KLRF2: variants seen among roughly 807,000 people sequenced by gnomAD.
KLRF2 encodes the protein killer cell lectin like receptor F2.
KLRF2 carries 28 observed loss-of-function variants against 25.3 expected under a neutral mutation model. The ratio of observed to expected loss-of-function variants is 1.11; its 90% CI spans 0.82 to 1.52. The LOEUF (loss-of-function observed/expected upper bound fraction) is 1.52, where lower values mean the gene tolerates loss of function less well. Ranked by LOEUF, KLRF2 falls within the 40% of genes most tolerant of loss-of-function variation. KLRF2 has a pLI of 0.00. For missense variants in KLRF2, 265 were observed against 245.8 expected, an observed-to-expected ratio of 1.08 and a Z score of -0.52; for synonymous variants, 73 against 85.0, an observed-to-expected ratio of 0.86 and a Z score of 0.78.
chr12:9,894,126 T>TCTCTCTCTCTCTC (rs1862724726), intron 5 of KLRF2, among the ~76,000 whole-genome samples: 1 of 130,200 alleles, frequency 7.7e-6, no homozygotes, highest in African/African-American at 3.0e-5. Context: ...TTTCTTTTCT[T>TCTCTCTCTCTCTC]TCTCTCTCTC....
chr12:9,883,737 A>G (rs182528782), intron 1 of KLRF2, among the ~76,000 whole-genome samples: 1 of 152,336 alleles, frequency 6.6e-6, no homozygotes, highest in African/African-American at 2.4e-5. Context: ...AATACAGACA[A>G]TTGAGTAGCA....
chr12:9,885,328 T>C (rs1321741913), intron 2 of KLRF2, among the ~76,000 whole-genome samples: 1 of 62,052 alleles, frequency 1.6e-5, no homozygotes, highest in East Asian at 5.1e-4. Context: ...GAGATCATTA[T>C]TTAAGTATAT....
At position 9,885,389 on chromosome 12, in the gene KLRF2, A is replaced by AT. The variant is rs1194096485; in HGVS notation, c.169+357_169+358insT. 8.6e-5 allele frequency among the ~76,000 whole-genome samples: 13 copies of AT among 151,768 alleles called. 1 individual carries two copies. The highest frequency in any genetic ancestry group is 1.3e-4 in the Admixed American group (2 of 15,240). On this transcript the variant is annotated intron_variant, in intron 2 of 5. Coordinates refer to ENST00000535540, the MANE Select transcript of KLRF2 (RefSeq NM_001190765.1). ...AAAACCATTTTAGGTAGACTTCCAG[A>AT]CTTTTTTCTTCCTGAAGTGGTACTT... is the stretch of plus-strand genomic sequence containing the variant.
chr12:9,893,251 T>TA, intron 4 of KLRF2, 83 bp downstream of exon 4: 2 of 1,315,528 alleles, frequency 1.5e-6, no homozygotes, highest in Non-Finnish European at 2.1e-6. Flanking sequence ...TTGGGAGGTT[T>TA]ATTGTCGTTG....
chr12:9,893,190 C>A, intron 4 of KLRF2, 22 bp downstream of exon 4: 1 of 1,521,202 alleles, frequency 6.6e-7, no homozygotes, highest in South Asian at 1.2e-5. Context: ...AAAACAGGAT[C>A]TAACTGCACA....
intron 3 of KLRF2, among the ~76,000 whole-genome samples, chr12:9,889,367 T>G (rs1862646448): frequency 6.6e-6 from 1 of 152,158 alleles, no homozygotes. Context: ...AAGATATTTT[T>G]TAGATGAAAT....
intron 2 of KLRF2, among the ~76,000 whole-genome samples, chr12:9,886,391 A>G (rs1464000137): frequency 6.6e-6 from 1 of 152,168 alleles, no homozygotes; most frequent in Non-Finnish European, 1.5e-5. Flanking sequence ...CATAGAATGG[A>G]AAGGGGAGAA....
rs1170159064 is a variant in KLRF2 at position 9,893,413 on chromosome 12, A to C, written c.367-16A>C. 8.6e-7 allele frequency: 1 copy of C among 1,157,022 alleles called. No homozygotes were observed. Among genetic ancestry groups the C allele is most frequent in the Non-Finnish European group, 1.2e-6 (1 of 813,340 alleles). 71.7% of individuals were successfully genotyped at this position (1,157,022 alleles called of 1,614,324 possible). ...TTTAAACAAATGAATGAATAAATGC[A>C]CTATTTCTTCTGCAGGAGTTCATAC... On this transcript the variant is annotated splice_polypyrimidine_tract_variant and intron_variant, in intron 4 of 5. Transcript: ENST00000535540.
In KLRF2 at chr12:9,893,148, A is replaced by T. The variant is rs1862701016; in HGVS notation, c.346A>T (p.Ile116Phe). Residue 116 changes from isoleucine to phenylalanine, a missense_variant, in exon 4 of 6, where the codon ATT (isoleucine) becomes TTT (phenylalanine). Physicochemically the swap from Ile to Phe is conservative, Grantham distance 21. Transcript: ENST00000535540. Reference sequence around the variant, plus strand: ...ACAGCTACAGGCACATTTACTGGTGATTCAAAATTTGGATGAGCTGGTGAG... The same window carrying T: ...ACAGCTACAGGCACATTTACTGGTGTTTCAAAATTTGGATGAGCTGGTGAG... Reference protein sequence around the residue: ...CTQLQAHLLVIQNLDELEFIQ... With the variant: ...CTQLQAHLLVFQNLDELEFIQ... 1 of 1,532,544 alleles carries T rather than the reference A, an allele frequency of 6.5e-7. No individual in the cohort carries two copies. The highest frequency in any genetic ancestry group is 8.7e-7 in the Non-Finnish European group (1 of 1,144,940). 94.9% of individuals were successfully genotyped at this position (1,532,544 alleles called of 1,614,324 possible). A position where few individuals can be genotyped will look rare whatever the true frequency, so the allele number is the denominator to read the frequency against.
At chr12:9,891,422 A>G (rs1243696509) in intron 3 of KLRF2, among the ~76,000 whole-genome samples, 1 of 152,166 alleles carries the variant, frequency 6.6e-6, no homozygotes, top group Non-Finnish European at 1.5e-5. Flanking sequence ...TTACAATGCT[A>G]CACTCATCAT....
In KLRF2 at chr12:9,888,734, TAAAA is replaced by T; in HGVS notation, c.175_178del (p.Lys59TrpfsTer7). ...ATCTTTTCTTTGCACTGAGTACAGA[TAAAA>T]AAATGGATTTCTCCCAGAATGTAAA... is the stretch of plus-strand genomic sequence containing the variant. On this transcript the variant is annotated frameshift_variant and splice_region_variant, in exon 3 of 6. Transcript: ENST00000535540. LOFTEE classifies it high-confidence loss of function. 6.7e-7 allele frequency: 1 copy of T among 1,487,254 alleles called. No individual in the cohort carries two copies. The highest frequency in any genetic ancestry group is 2.5e-5 in the East Asian group (1 of 40,672). The allele number at this position is 1,487,254 out of a possible 1,614,324, so 92.1% of individuals were successfully genotyped here. A position where few individuals can be genotyped will look rare whatever the true frequency, so the allele number is the denominator to read the frequency against.
chr12:9,882,580 C>T (rs1182420386), intron 1 of KLRF2, among the ~76,000 whole-genome samples: 1 of 152,068 alleles, frequency 6.6e-6, no homozygotes, highest in Non-Finnish European at 1.5e-5. Flanking sequence ...GAATTCGAGA[C>T]CAGCCTGGCC....
In KLRF2 at chr12:9,888,377, A is replaced by G. The variant is rs1862628027; in HGVS notation, c.170-356A>G. 2.0e-5 allele frequency among the ~76,000 whole-genome samples: 3 copies of G among 151,850 alleles called. No homozygotes were observed. The South Asian group carries it at 6.2e-4, about 32-fold the overall frequency. On this transcript the variant is annotated intron_variant, in intron 2 of 5. Transcript: ENST00000535540. ...TGGTGGTGCGCGCCTGTAGTCCCAT[A>G]TGCTCGGGAGGCTGAGGTAGGAGAA...
Position 9,895,670 on chromosome 12 carries a change from T to C in KLRF2, c.480-19T>C. The C allele has an allele frequency of 2.7e-6, 4 of 1,498,588 alleles. No individual in the cohort carries two copies. Among genetic ancestry groups the C allele is most frequent in the South Asian group, 1.3e-5 (1 of 77,464 alleles). The allele number at this position is 1,498,588 out of a possible 1,614,324, so 92.8% of individuals were successfully genotyped here. ...TCATTTTAAGATAAATGCTGAAAAA[T>C]CTGTCCTTTGTCTCTTAGGTTTTCA... On this transcript the variant is annotated intron_variant, in intron 5 of 5. Transcript: ENST00000535540.
chr12:9,886,802 A>G (rs1862604011), intron 2 of KLRF2, among the ~76,000 whole-genome samples: 1 of 151,730 alleles, frequency 6.6e-6, no homozygotes, highest in African/African-American at 2.4e-5. Flanking sequence ...ACTCTCTAAA[A>G]CAGTGAGATA....
At chr12:9,892,246 C>T (rs1033591747) in intron 3 of KLRF2, among the ~76,000 whole-genome samples, 1 of 152,050 alleles carries the variant, frequency 6.6e-6, no homozygotes, top group Non-Finnish European at 1.5e-5. Flanking sequence ...GAAGAGGAGG[C>T]TATTCAAGAC....
In KLRF2 at chr12:9,893,412, C is replaced by A. The variant is rs1455776721; in HGVS notation, c.367-17C>A. The A allele has an allele frequency of 3.5e-6, 4 of 1,138,536 alleles. No individual in the cohort carries two copies. The highest frequency in any genetic ancestry group is 1.9e-4 in the Middle Eastern group (1 of 5,180). The allele number at this position is 1,138,536 out of a possible 1,614,324, so 70.5% of individuals were successfully genotyped here. ...TTTTAAACAAATGAATGAATAAATG[C>A]ACTATTTCTTCTGCAGGAGTTCATA... On this transcript the variant is annotated splice_polypyrimidine_tract_variant and intron_variant, in intron 4 of 5. Coordinates refer to ENST00000535540, the MANE Select transcript of KLRF2 (RefSeq NM_001190765.1).
chr12:9,893,246 A>C, intron 4 of KLRF2, 78 bp downstream of exon 4: 1 of 1,362,394 alleles, frequency 7.3e-7, no homozygotes, highest in Non-Finnish European at 9.9e-7. Context: ...GAAGCTTGGG[A>C]GGTTTATTGT....
intron 3 of KLRF2, among the ~76,000 whole-genome samples, chr12:9,889,720 G>T (rs1477626883): frequency 2.0e-5 from 3 of 151,548 alleles, no homozygotes; most frequent in South Asian, 2.1e-4. Flanking sequence ...AAATGCCATT[G>T]GTTGTGGCTA....
Sources: allele counts gnomAD v4.1 joint callset (sites outside exome capture counted in the v4.1 genomes callset), GRCh38; gene constraint gnomAD v4.1.1; transcripts MANE v1.5; gene names NCBI Gene and HGNC (gene_info 2026-07-23, HGNC 2026-07-21).